Variants in EIPR1 observed in about 807,000 individuals in gnomAD.
EIPR1 encodes the protein EARP and GARP complex-interacting protein 1.
A neutral mutation model predicts 48.1 loss-of-function variants in EIPR1; 25 were observed. That is an observed-to-expected ratio of 0.52 (90% CI 0.38 to 0.73). The LOEUF is 0.73. Among genes scored for constraint, EIPR1 ranks in the 30% least tolerant of loss-of-function variants. The pLI, the probability that EIPR1 is intolerant of heterozygous loss-of-function variation, is 0.00. For missense variants in EIPR1, 415 were observed against 506.2 expected, an observed-to-expected ratio of 0.82 and a Z score of 1.73; for synonymous variants, 204 against 201.9, an observed-to-expected ratio of 1.01 and a Z score of -0.09.
intron 4 of EIPR1, among the ~76,000 whole-genome samples, chr2:3,252,294 T>C (rs1245005027): frequency 2.0e-5 from 3 of 151,918 alleles, no homozygotes; most frequent in African/African-American, 7.3e-5. Context: ...CCTACGAAGA[T>C]AAAACGGCAA....
intron 5 of EIPR1, among the ~76,000 whole-genome samples, chr2:3,202,000 G>A (rs1026996814): frequency 3.9e-5 from 6 of 152,186 alleles, no homozygotes; most frequent in African/African-American, 9.6e-5. Flanking sequence ...GCAGTGGCGC[G>A]ATCTCGGCTC....
Position 3,189,704 on chromosome 2 carries a change from CCTCA to C in EIPR1, c.990-200_990-197del, listed in dbSNP as rs763306468. 2.0e-5 allele frequency among the ~76,000 whole-genome samples: 3 copies of C among 152,120 alleles called. No homozygotes were observed. The highest frequency in any genetic ancestry group is 4.4e-5 in the Non-Finnish European group (3 of 68,018). ...GTGGTCCCTGCAGAAGCCCAGAAAC[CCTCA>C]CTGTCACTGTGAGGAGTGGGCATTT... On this transcript the variant is annotated intron_variant, in intron 8 of 8. Coordinates refer to ENST00000382125, the MANE Select transcript of EIPR1 (RefSeq NM_003310.5). The surrounding 1 kb of genome is among the most constrained non-coding windows in gnomAD (Gnocchi z 4.6).
At chr2:3,327,344 C>T (rs938920680) in intron 3 of EIPR1, among the ~76,000 whole-genome samples, 3 of 152,106 alleles carry the variant, frequency 2.0e-5, no homozygotes, top group African/African-American at 4.8e-5. Flanking sequence ...CCACCACACC[C>T]GGCTAATTTT....
intron 1 of EIPR1, among the ~76,000 whole-genome samples, chr2:3,365,429 A>G (rs1378405602): frequency 6.6e-6 from 1 of 152,040 alleles, no homozygotes; most frequent in African/African-American, 2.4e-5. Flanking sequence ...CCACGATCGC[A>G]CTACTGCACT....
chr2:3,350,566 C>G (rs545481259), intron 2 of EIPR1, among the ~76,000 whole-genome samples: 1 of 152,080 alleles, frequency 6.6e-6, no homozygotes, highest in East Asian at 1.9e-4. Flanking sequence ...ACTCAGGACA[C>G]GAATATCTGT....
At chr2:3,285,007 A>G (rs943981415) in intron 3 of EIPR1, among the ~76,000 whole-genome samples, 7 of 152,230 alleles carry the variant, frequency 4.6e-5, no homozygotes, top group African/African-American at 1.4e-4. Context: ...TACAAGGGCA[A>G]GATAGTGAAA....
chr2:3,250,015 C>G (rs1029933344), intron 4 of EIPR1, among the ~76,000 whole-genome samples: 3 of 152,184 alleles, frequency 2.0e-5, no homozygotes, highest in Admixed American at 1.3e-4. Context: ...AGGGGTGGAG[C>G]CACTGCAGAG....
At chr2:3,239,550 G>C (rs1666526444) in intron 4 of EIPR1, among the ~76,000 whole-genome samples, 1 of 152,202 alleles carries the variant, frequency 6.6e-6, no homozygotes, top group African/African-American at 2.4e-5. Flanking sequence ...TGGACATCCC[G>C]GGTGCCTGTT....
At chr2:3,303,827 CG>C (rs1168630730) in intron 3 of EIPR1, among the ~76,000 whole-genome samples, 2 of 152,064 alleles carry the variant, frequency 1.3e-5, no homozygotes, top group Non-Finnish European at 2.9e-5. Flanking sequence ...CTGGGAGGAC[CG>C]GGAATCACAG....
chr2:3,363,254 G>A (rs1290358038), intron 1 of EIPR1, among the ~76,000 whole-genome samples: 5 of 152,048 alleles, frequency 3.3e-5, no homozygotes, highest in South Asian at 2.1e-4. Context: ...AAAGGGAGAC[G>A]GGCAGGGAAG....
At chr2:3,344,162 C>G (rs1191861555) in intron 2 of EIPR1, among the ~76,000 whole-genome samples, 1 of 152,240 alleles carries the variant, frequency 6.6e-6, no homozygotes, top group Admixed American at 6.5e-5. Flanking sequence ...GAGATTCCCT[C>G]GGCCGCTGAT....
At chr2:3,330,982 TG>T (rs1242988850) in intron 3 of EIPR1, among the ~76,000 whole-genome samples, 2 of 127,066 alleles carry the variant, frequency 1.6e-5, no homozygotes, top group Non-Finnish European at 3.3e-5. Context: ...ACTCACGAGA[TG>T]GTGTGAGCAG....
chr2:3,328,304 C>T (rs2103335314), intron 3 of EIPR1, among the ~76,000 whole-genome samples: 1 of 152,344 alleles, frequency 6.6e-6, no homozygotes, highest in African/African-American at 2.4e-5. Context: ...CACATGGGGT[C>T]CACCACGTTT....
intron 2 of EIPR1, chr2:3,353,089 T>G: frequency 2.6e-6 from 1 of 385,096 alleles, no homozygotes; most frequent in Non-Finnish European, 5.3e-6. Context: ...TAACTAATAA[T>G]CATTGTGTTT....
At chr2:3,230,724 A>C (rs1666217504) in intron 4 of EIPR1, among the ~76,000 whole-genome samples, 1 of 152,182 alleles carries the variant, frequency 6.6e-6, no homozygotes, top group Non-Finnish European at 1.5e-5. Context: ...GTCAATTTGT[A>C]ATTTCATATT....
chr2:3,293,808 CACAG>C (rs1361639083), intron 3 of EIPR1, among the ~76,000 whole-genome samples: 1 of 152,208 alleles, frequency 6.6e-6, no homozygotes, highest in Non-Finnish European at 1.5e-5. Flanking sequence ...TCAACTTGAT[CACAG>C]ACAATTTTGA....
At chr2:3,318,410 T>G (rs1271879955) in intron 3 of EIPR1, among the ~76,000 whole-genome samples, 10 of 152,136 alleles carry the variant, frequency 6.6e-5, no homozygotes, top group Admixed American at 1.3e-4. Flanking sequence ...TCTTCATTAG[T>G]GATCTGGAAG....
At chr2:3,372,794 C>G (rs923517533) in intron 1 of EIPR1, among the ~76,000 whole-genome samples, 1 of 152,164 alleles carries the variant, frequency 6.6e-6, no homozygotes. Flanking sequence ...CGAATTCTAC[C>G]AGAGGTATAA....
chr2:3,230,184 T>C (rs1309725441), intron 4 of EIPR1, among the ~76,000 whole-genome samples: 1 of 152,140 alleles, frequency 6.6e-6, no homozygotes, highest in East Asian at 1.9e-4. Context: ...ACTGTTTTCC[T>C]AATTTCTTTC....
Sources: allele counts gnomAD v4.1 joint callset (sites outside exome capture counted in the v4.1 genomes callset), GRCh38; gene constraint gnomAD v4.1.1; non-coding constraint Gnocchi (gnomAD v3.1); transcripts MANE v1.5; gene names NCBI Gene and HGNC (gene_info 2026-07-23, HGNC 2026-07-21).